The following TMPRSS11D variants were observed in gnomAD, a reference collection of about 807,000 sequenced individuals.
TMPRSS11D encodes transmembrane protease serine 11D.
TMPRSS11D carries 32 observed loss-of-function variants against 44.4 expected under a neutral mutation model. That is an observed-to-expected ratio of 0.72 (90% confidence interval 0.54 to 0.97). The LOEUF is 0.97. Among genes scored for constraint, TMPRSS11D ranks in the 50% least tolerant of loss-of-function variants. The pLI is 0.00. For synonymous variants in TMPRSS11D, 179 were observed against 177.9 expected (o/e 1.01, Z -0.05); for missense variants, 446 against 502.6 (o/e 0.89, Z 1.08).
Position 67,827,351 on chromosome 4 carries a change from T to C in TMPRSS11D, c.862A>G (p.Ile288Val), listed in dbSNP as rs766832465. 4 of 1,613,238 alleles carry C rather than the reference T, an allele frequency of 2.5e-6. No homozygotes were observed. In the African/African-American group the frequency reaches 4.0e-5, roughly 16 times the overall value. The change falls in exon 8 of 10, where the codon ATC (isoleucine) becomes GTC (valine). Residue 288 changes from isoleucine (I) to valine (V), a missense_variant. By Grantham distance (29) the Ile-to-Val change is conservative. Coordinates refer to ENST00000283916, the MANE Select transcript of TMPRSS11D (RefSeq NM_004262.3). ...LENSVTFTKDIHSVCLPAATQ... is the reference protein window; with the variant it reads ...LENSVTFTKDVHSVCLPAATQ... ...GCAGCTGGGAGACACACACTATGGA[T>C]ATCTTTGGTAAAGGTGACACTGTTC...
intron 1 of TMPRSS11D, among the ~76,000 whole-genome samples, chr4:67,862,917 G>A (rs935326464): frequency 4.6e-5 from 7 of 151,902 alleles, no homozygotes; most frequent in African/African-American, 1.7e-4. Context: ...TGGGGTGGGG[G>A]AGAGGGGAGG....
chr4:67,864,664 G>A (rs1441123382), intron 1 of TMPRSS11D, among the ~76,000 whole-genome samples: 1 of 151,718 alleles, frequency 6.6e-6, no homozygotes. Context: ...ATAGACTAAA[G>A]GCAGAGGTAT....
intron 8 of TMPRSS11D, among the ~76,000 whole-genome samples, chr4:67,826,270 T>G (rs1717790264): frequency 6.6e-6 from 1 of 152,124 alleles, no homozygotes; most frequent in Non-Finnish European, 1.5e-5. Flanking sequence ...ACTAGTCTAT[T>G]TTATATTGAT....
At chr4:67,825,697 G>C (rs201997463) in intron 9 of TMPRSS11D, 35 bp downstream of exon 9, 1 of 1,608,064 alleles carries the variant, frequency 6.2e-7, no homozygotes, top group East Asian at 2.2e-5. Context: ...TACACTTCTT[G>C]GATGATGACA....
At chr4:67,861,758 A>G (rs1718795877) in intron 1 of TMPRSS11D, among the ~76,000 whole-genome samples, 2 of 151,990 alleles carry the variant, frequency 1.3e-5, no homozygotes, top group Admixed American at 6.6e-5. Flanking sequence ...TGACTCAACA[A>G]ACAAAGGGTG....
At chr4:67,839,757 A>T (rs981057981) in intron 4 of TMPRSS11D, among the ~76,000 whole-genome samples, 3 of 152,126 alleles carry the variant, frequency 2.0e-5, no homozygotes, top group Non-Finnish European at 4.4e-5. Flanking sequence ...GAAAATTCAT[A>T]AGCATGGGCC....
intron 3 of TMPRSS11D, among the ~76,000 whole-genome samples, chr4:67,847,365 T>C (rs1443160439): frequency 6.6e-6 from 1 of 152,228 alleles, no homozygotes; most frequent in African/African-American, 2.4e-5. Flanking sequence ...AGTTCTGTCA[T>C]TATCTTACTG....
chr4:67,821,664 ATTC>A lies in TMPRSS11D; in HGVS notation c.*670_*672del, dbSNP rs1717645785. The A allele has an allele frequency of 6.6e-6, 1 of 152,106 alleles. No individual in the cohort carries two copies. The highest frequency in any genetic ancestry group is 1.5e-5 in the Non-Finnish European group (1 of 68,020). 9.4% of individuals were successfully genotyped at this position (152,106 alleles called of 1,614,324 possible). A position where few individuals can be genotyped will look rare whatever the true frequency, so the allele number is the denominator to read the frequency against. ...TGGGTCATCATGAAAAATATCTATA[ATTC>A]TTTGGGTCTCAGTTGAGGAGTGAAC... is the stretch of plus-strand genomic sequence containing the variant. On this transcript the variant is annotated 3_prime_UTR_variant, in exon 10 of 10. Coordinates refer to ENST00000283916, the MANE Select transcript of TMPRSS11D (RefSeq NM_004262.3).
At chr4:67,868,439 A>T (rs1479493843) in intron 1 of TMPRSS11D, among the ~76,000 whole-genome samples, 1 of 152,166 alleles carries the variant, frequency 6.6e-6, no homozygotes, top group Non-Finnish European at 1.5e-5. Context: ...CCTTAAAACT[A>T]TTATAAAAAT....
chr4:67,837,673 TAGG>T (rs1443365232), intron 5 of TMPRSS11D, among the ~76,000 whole-genome samples: 1 of 152,130 alleles, frequency 6.6e-6, no homozygotes, highest in Non-Finnish European at 1.5e-5. Flanking sequence ...GACTGGGTGG[TAGG>T]AGGGTAGTAG....
intron 1 of TMPRSS11D, among the ~76,000 whole-genome samples, chr4:67,863,061 A>T (rs979259710): frequency 3.3e-5 from 5 of 149,836 alleles, no homozygotes; most frequent in African/African-American, 9.7e-5. Context: ...AATATATATA[A>T]AATAATAATA....
intron 2 of TMPRSS11D, among the ~76,000 whole-genome samples, chr4:67,857,039 T>A (rs1459951782): frequency 6.6e-6 from 1 of 152,002 alleles, no homozygotes; most frequent in East Asian, 1.9e-4. Flanking sequence ...TTGGTGGAAA[T>A]GTAAACTAGT....
intron 3 of TMPRSS11D, among the ~76,000 whole-genome samples, chr4:67,847,673 G>T (rs1718390117): frequency 6.6e-6 from 1 of 152,122 alleles, no homozygotes; most frequent in Non-Finnish European, 1.5e-5. Context: ...ACCAAACAAG[G>T]ATGCTAGTGT....
chr4:67,828,910 T>A (rs981241125), intron 7 of TMPRSS11D, among the ~76,000 whole-genome samples: 3 of 152,038 alleles, frequency 2.0e-5, no homozygotes, highest in Non-Finnish European at 2.9e-5. Context: ...AAATAACATC[T>A]TCTTCTTATG....
At chr4:67,860,849 T>A (rs1718776576) in intron 1 of TMPRSS11D, among the ~76,000 whole-genome samples, 1 of 152,138 alleles carries the variant, frequency 6.6e-6, no homozygotes, top group Non-Finnish European at 1.5e-5. Context: ...TACATTTCAC[T>A]GCAATGTTGC....
chr4:67,854,187 C>T lies in TMPRSS11D; in HGVS notation c.131-1G>A. Reference sequence around the variant, plus strand: ...CTCCTATAAAAGTAAGATTTTTGATCTGAAAAAGAAATAAAAGGGAAGGTC... The same window carrying T: ...CTCCTATAAAAGTAAGATTTTTGATTTGAAAAAGAAATAAAAGGGAAGGTC... On this transcript the variant is annotated splice_acceptor_variant, in intron 2 of 9. Transcript: ENST00000283916. LOFTEE classifies it high-confidence loss of function. 6.8e-7 allele frequency: 1 copy of T among 1,462,378 alleles called. No individual in the cohort carries two copies. Among genetic ancestry groups the T allele is most frequent in the Non-Finnish European group, 9.4e-7 (1 of 1,059,632 alleles). 90.6% of individuals were successfully genotyped at this position (1,462,378 alleles called of 1,614,324 possible).
intron 1 of TMPRSS11D, among the ~76,000 whole-genome samples, chr4:67,879,257 G>A (rs906803788): frequency 2.8e-4 from 42 of 151,956 alleles, no homozygotes; most frequent in African/African-American, 6.5e-4. Flanking sequence ...TGAGGCTGGC[G>A]GATCACGAGG....
intron 9 of TMPRSS11D, among the ~76,000 whole-genome samples, chr4:67,824,687 T>C (rs975478732): frequency 6.6e-6 from 1 of 152,146 alleles, no homozygotes; most frequent in Non-Finnish European, 1.5e-5. Context: ...ATGTGAGAAC[T>C]ACTTTTTATC....
At chr4:67,838,385 C>T in intron 4 of TMPRSS11D, 56 bp from the exon 5 acceptor site, 1 of 1,431,722 alleles carries the variant, frequency 7.0e-7, no homozygotes, top group Non-Finnish European at 9.3e-7. Context: ...TTTCACCATC[C>T]TGTTTATATA....
Sources: gnomAD v4.1 joint callset for allele counts (sites outside exome capture counted in the v4.1 genomes callset) on GRCh38, gnomAD v4.1.1 for gene constraint, MANE v1.5 for transcripts, NCBI Gene and HGNC (gene_info 2026-07-23, HGNC 2026-07-21) for gene names.